L3MBTL4: variants seen among roughly 807,000 people sequenced by gnomAD.
L3MBTL4 encodes lethal(3)malignant brain tumor-like protein 4.
L3MBTL4 carries 70 observed loss-of-function variants against 84.5 expected under a neutral mutation model. The ratio of observed to expected loss-of-function variants is 0.83; its 90% confidence interval spans 0.68 to 1.01. The LOEUF (loss-of-function observed/expected upper bound fraction) is 1.01, where lower values mean the gene tolerates loss of function less well. Among genes scored for constraint, L3MBTL4 ranks in the 50% least tolerant of loss-of-function variants. The probability of loss-of-function intolerance (pLI) is 0.00; values close to 1 mark genes in which losing one functional copy is unlikely to be tolerated. For synonymous variants in L3MBTL4, 274 were observed against 259.8 expected (o/e 1.05, Z -0.52); for missense variants, 715 against 754.8 (o/e 0.95, Z 0.62).
intron 16 of L3MBTL4, among the ~76,000 whole-genome samples, chr18:5,975,920 C>T (rs751922802): frequency 1.4e-4 from 21 of 152,188 alleles, no homozygotes; most frequent in Non-Finnish European, 2.9e-4. Context: ...AATTCATAAA[C>T]GAATATCTGC....
At chr18:6,193,567 G>T (rs1218416379) in intron 12 of L3MBTL4, among the ~76,000 whole-genome samples, 1 of 152,258 alleles carries the variant, frequency 6.6e-6, no homozygotes, top group Non-Finnish European at 1.5e-5. Flanking sequence ...ACAAGGCAAA[G>T]CGTGGAGAGC....
intron 13 of L3MBTL4, among the ~76,000 whole-genome samples, chr18:6,164,923 A>C (rs1392087746): frequency 1.3e-5 from 2 of 152,236 alleles, no homozygotes; most frequent in Non-Finnish European, 2.9e-5. Flanking sequence ...AAAGAAGTTA[A>C]AAACCTTGAA....
At chr18:6,197,620 T>C (rs182354818) in intron 12 of L3MBTL4, among the ~76,000 whole-genome samples, 51 of 152,348 alleles carry the variant, frequency 3.3e-4, no homozygotes, top group African/African-American at 9.1e-4. Flanking sequence ...TTCCTTTGGG[T>C]ATATATCCCA....
At chr18:6,254,036 G>A (rs996373356) in intron 5 of L3MBTL4, among the ~76,000 whole-genome samples, 1 of 152,100 alleles carries the variant, frequency 6.6e-6, no homozygotes, top group Non-Finnish European at 1.5e-5. Flanking sequence ...GTTTTTAATA[G>A]TGGAGTCAGA....
intron 4 of L3MBTL4, among the ~76,000 whole-genome samples, chr18:6,274,479 C>G (rs1222991413): frequency 2.0e-5 from 3 of 152,310 alleles, no homozygotes; most frequent in African/African-American, 4.8e-5. Flanking sequence ...TGCACTACAG[C>G]CCATTACTTG....
chr18:6,034,121 G>A (rs1049027710), intron 16 of L3MBTL4, among the ~76,000 whole-genome samples: 2 of 151,888 alleles, frequency 1.3e-5, no homozygotes, highest in African/African-American at 2.4e-5. Context: ...GTTTATAAGG[G>A]AATGTCTTAA....
At chr18:6,285,991 C>A (rs1227436214) in intron 4 of L3MBTL4, among the ~76,000 whole-genome samples, 1 of 151,448 alleles carries the variant, frequency 6.6e-6, no homozygotes, top group Non-Finnish European at 1.5e-5. Flanking sequence ...GCCACCACGC[C>A]CAGCTAATTT....
At chr18:6,410,107 G>A (rs191518499) in intron 1 of L3MBTL4, among the ~76,000 whole-genome samples, 101 of 152,234 alleles carry the variant, frequency 6.6e-4, no homozygotes, top group African/African-American at 2.1e-3. Flanking sequence ...AGTCCTTAAC[G>A]AGGTCTTCCA....
chr18:5,961,998 A>G (rs1292814903), intron 17 of L3MBTL4, among the ~76,000 whole-genome samples: 1 of 151,654 alleles, frequency 6.6e-6, no homozygotes, highest in African/African-American at 2.4e-5. Context: ...GGCTATATAT[A>G]CTCCAACCCT....
intron 5 of L3MBTL4, among the ~76,000 whole-genome samples, chr18:6,248,966 T>C (rs2047806982): frequency 6.6e-6 from 1 of 152,194 alleles, no homozygotes; most frequent in Non-Finnish European, 1.5e-5. Flanking sequence ...AAGGAAAAAC[T>C]TAAAAGATGA....
At chr18:6,301,400 A>G (rs1443712293) in intron 4 of L3MBTL4, among the ~76,000 whole-genome samples, 1 of 152,244 alleles carries the variant, frequency 6.6e-6, no homozygotes, top group African/African-American at 2.4e-5. Context: ...CTGTTGGTTT[A>G]AATTTAAAGC....
At chr18:6,319,877 A>T (rs1203263989) in intron 1 of L3MBTL4, among the ~76,000 whole-genome samples, 1 of 152,100 alleles carries the variant, frequency 6.6e-6, no homozygotes, top group Non-Finnish European at 1.5e-5. Context: ...TGATGAACAT[A>T]GATGCAAAAA....
Position 5,956,381 on chromosome 18 carries a change from C to A in L3MBTL4, c.1684G>T (p.Asp562Tyr). 6.2e-7 allele frequency: 1 copy of A among 1,613,808 alleles called. No individual in the cohort carries two copies. Among genetic ancestry groups the A allele is most frequent in the Non-Finnish European group, 8.5e-7 (1 of 1,179,894 alleles). ...GTCAGAAGCAGGAAGGCTTTGCCATCGATCTGCTGCAAATACATAAATAGA... is the reference window on the plus strand; with the variant it reads ...GTCAGAAGCAGGAAGGCTTTGCCATAGATCTGCTGCAAATACATAAATAGA... ...HAKCFKKEQI[D>Y]GKAFLLLTQT... is the part of the protein sequence containing the mutation. Residue 562 changes from aspartate (D) to tyrosine (Y), a missense_variant, in exon 19 of 19, where the codon GAT becomes TAT. Coordinates refer to ENST00000317931, the MANE Select transcript of L3MBTL4 (RefSeq NM_001330559.2).
At chr18:6,139,384 A>G (rs1170261801) in intron 13 of L3MBTL4, among the ~76,000 whole-genome samples, 1 of 152,114 alleles carries the variant, frequency 6.6e-6, no homozygotes, top group African/African-American at 2.4e-5. Flanking sequence ...AACCATGCCA[A>G]GCATTCTGTC....
At chr18:6,077,309 T>C (rs2057888312) in intron 16 of L3MBTL4, among the ~76,000 whole-genome samples, 1 of 152,214 alleles carries the variant, frequency 6.6e-6, no homozygotes, top group South Asian at 2.1e-4. Context: ...CCTTTTAACA[T>C]AATCATGGTT....
At chr18:6,374,805 G>A (rs1337744169) in intron 1 of L3MBTL4, among the ~76,000 whole-genome samples, 3 of 151,856 alleles carry the variant, frequency 2.0e-5, no homozygotes, top group Non-Finnish European at 4.4e-5. Flanking sequence ...CCTCAACACT[G>A]CCACTTCTAT....
At chr18:6,158,848 A>C (rs1488156493) in intron 13 of L3MBTL4, among the ~76,000 whole-genome samples, 2 of 152,186 alleles carry the variant, frequency 1.3e-5, no homozygotes, top group African/African-American at 4.8e-5. Flanking sequence ...GGGGTCTCTA[A>C]AAGGGCTGGT....
At chr18:6,092,595 A>T (rs1163450914) in intron 15 of L3MBTL4, among the ~76,000 whole-genome samples, 1 of 152,162 alleles carries the variant, frequency 6.6e-6, no homozygotes, top group Non-Finnish European at 1.5e-5. Flanking sequence ...CCCATTTCTC[A>T]TCTCTCTGTC....
At chr18:6,362,249 AG>A (rs1389071132) in intron 1 of L3MBTL4, among the ~76,000 whole-genome samples, 1 of 150,502 alleles carries the variant, frequency 6.6e-6, no homozygotes, top group African/African-American at 2.5e-5. Context: ...AGGAAAGGAA[AG>A]GGAAAGGAAA....
Sources: allele counts gnomAD v4.1 joint callset (sites outside exome capture counted in the v4.1 genomes callset), GRCh38; gene constraint gnomAD v4.1.1; transcripts MANE v1.5; gene names NCBI Gene and HGNC (gene_info 2026-07-23, HGNC 2026-07-21).